Variants in HS6ST2 observed in about 807,000 individuals in gnomAD.
HS6ST2 encodes heparan sulfate 6-O-sulfotransferase 2.
A neutral mutation model predicts 33.0 loss-of-function variants in HS6ST2; 17 were observed. That is an observed-to-expected ratio of 0.52 (90% CI 0.35 to 0.77). HS6ST2 has a LOEUF of 0.77. Among genes scored for constraint, HS6ST2 ranks in the 30% least tolerant of loss-of-function variants. The probability of loss-of-function intolerance (pLI) is 0.01; values close to 1 mark genes in which losing one functional copy is unlikely to be tolerated. For missense variants in HS6ST2, 519 were observed against 551.7 expected (o/e 0.94, Z 0.59); for synonymous variants, 248 against 237.1 (o/e 1.05, Z -0.42).
intron 2 of HS6ST2, among the ~76,000 whole-genome samples, chrX:132,895,713 G>C: frequency 9.0e-6 from 1 of 110,913 alleles, no homozygotes; most frequent in South Asian, 3.8e-4. Context: ...TCTGGCAGCT[G>C]GCCATACTTG....
intron 2 of HS6ST2, among the ~76,000 whole-genome samples, chrX:132,915,890 G>A (rs750831870): frequency 1.7e-3 from 110 of 65,084 alleles, no homozygotes; most frequent in Non-Finnish European, 2.4e-3. Flanking sequence ...CACCACGCCC[G>A]GCTATTTTTT....
chrX:132,649,860 A>C (rs2063677072), intron 4 of HS6ST2, among the ~76,000 whole-genome samples: 1 of 109,861 alleles, frequency 9.1e-6, no homozygotes, highest in South Asian at 4.0e-4. Flanking sequence ...TCTATCTAAA[A>C]AAAAAAAAAA....
At chrX:132,915,187 T>C (rs1306696879) in intron 2 of HS6ST2, among the ~76,000 whole-genome samples, 3 of 111,934 alleles carry the variant, frequency 2.7e-5, no homozygotes, top group Non-Finnish European at 3.8e-5. Context: ...TAGCCCATTG[T>C]TAAACCTTAA....
intron 2 of HS6ST2, among the ~76,000 whole-genome samples, chrX:132,752,471 CAAA>C (rs751283316): frequency 3.4e-5 from 2 of 59,692 alleles, no homozygotes; most frequent in African/African-American, 1.3e-4. Flanking sequence ...GACTCCGTCT[CAAA>C]AAAAAAAAAA....
intron 2 of HS6ST2, among the ~76,000 whole-genome samples, chrX:132,866,270 G>A (rs1035241621): frequency 9.0e-6 from 1 of 111,080 alleles, no homozygotes; most frequent in Admixed American, 9.6e-5. Flanking sequence ...TCTGAGGTTT[G>A]TCAAAGATCA....
At chrX:132,633,316 C>A (rs1310185341) in intron 4 of HS6ST2, among the ~76,000 whole-genome samples, 1 of 110,547 alleles carries the variant, frequency 9.0e-6, no homozygotes, top group Non-Finnish European at 1.9e-5. Flanking sequence ...ATTCTGCAGG[C>A]AACAGAGAGG....
intron 2 of HS6ST2, among the ~76,000 whole-genome samples, chrX:132,836,393 T>C (rs1384370986): frequency 8.9e-6 from 1 of 112,697 alleles, no homozygotes; most frequent in Non-Finnish European, 1.9e-5. Flanking sequence ...TCAAGGGTAC[T>C]GGCAACAGGG....
rs186857851 is a variant in HS6ST2, at chrX:132,710,373, A to G, written c.948-1879T>C. 8.0e-5 allele frequency among the ~76,000 whole-genome samples: 9 copies of G among 112,303 alleles called. No homozygotes were observed. In the Admixed American group the frequency reaches 8.5e-4, roughly 11 times the overall value. ...GGTTGTTTAATGAAATCCTTTAAAA[A>G]GGCCCTTTAATCATGATGTTTTATT... On this transcript the variant is annotated intron_variant, in intron 2 of 4. Coordinates refer to ENST00000370833, the MANE Select transcript of HS6ST2 (RefSeq NM_001394073.1).
intron 2 of HS6ST2, among the ~76,000 whole-genome samples, chrX:132,774,362 C>A (rs953321160): frequency 1.8e-5 from 2 of 112,359 alleles, no homozygotes; most frequent in African/African-American, 6.5e-5. Context: ...CTCTCCACCC[C>A]AAACATTTAT....
chrX:132,922,373 G>T (rs1036357383), intron 2 of HS6ST2, among the ~76,000 whole-genome samples: 6 of 111,995 alleles, frequency 5.4e-5, no homozygotes, highest in Admixed American at 2.8e-4. Context: ...GCTTTTCTTT[G>T]TCCACAGGTG....
chrX:132,861,999 G>A (rs2065916258), intron 2 of HS6ST2, among the ~76,000 whole-genome samples: 1 of 111,791 alleles, frequency 8.9e-6, no homozygotes. Flanking sequence ...TTTTAAACAA[G>A]TTTGTTCTTT....
chrX:132,653,951 A>G (rs1203549787), intron 4 of HS6ST2, among the ~76,000 whole-genome samples: 2 of 111,629 alleles, frequency 1.8e-5, no homozygotes, highest in African/African-American at 6.5e-5. Context: ...AGAAGCAGAA[A>G]GGAGAATGGT....
At chrX:132,900,543 C>G (rs1029942884) in intron 2 of HS6ST2, among the ~76,000 whole-genome samples, 1 of 110,702 alleles carries the variant, frequency 9.0e-6, no homozygotes, top group African/African-American at 3.3e-5. Flanking sequence ...TAGCAAGACC[C>G]TATCTCTAAT....
intron 2 of HS6ST2, among the ~76,000 whole-genome samples, chrX:132,740,976 C>T (rs776915009): frequency 8.9e-6 from 1 of 112,481 alleles, no homozygotes; most frequent in East Asian, 2.8e-4. Flanking sequence ...TTCATTTGTT[C>T]CTTCTTTTCC....
At chrX:132,898,931 G>A (rs1340668967) in intron 2 of HS6ST2, among the ~76,000 whole-genome samples, 1 of 110,861 alleles carries the variant, frequency 9.0e-6, no homozygotes, top group Non-Finnish European at 1.9e-5. Context: ...GAAAAAGTAG[G>A]AGGGCCAGTC....
At chrX:132,788,981 A>G (rs1378094169) in intron 2 of HS6ST2, among the ~76,000 whole-genome samples, 1 of 112,753 alleles carries the variant, frequency 8.9e-6, no homozygotes, top group Non-Finnish European at 1.9e-5. Context: ...CCAGAACATA[A>G]AAGTTCAAAG....
intron 3 of HS6ST2, among the ~76,000 whole-genome samples, chrX:132,671,506 G>A (rs941473935): frequency 8.9e-5 from 9 of 101,488 alleles, no homozygotes; most frequent in East Asian, 3.1e-4. Flanking sequence ...CCATGTCTGC[G>A]CCTTGGGCAC....
At chrX:132,914,499 T>C (rs2066565645) in intron 2 of HS6ST2, among the ~76,000 whole-genome samples, 1 of 112,788 alleles carries the variant, frequency 8.9e-6, no homozygotes, top group Admixed American at 9.4e-5. Context: ...CCTAAACTTG[T>C]CTGCAGGGTG....
At chrX:132,719,740 A>T (rs1343500325) in intron 2 of HS6ST2, among the ~76,000 whole-genome samples, 2 of 112,419 alleles carry the variant, frequency 1.8e-5, no homozygotes, top group Non-Finnish European at 3.8e-5. Flanking sequence ...AGGAACATTG[A>T]ATGAGCCCTC....
Sources: gnomAD v4.1 joint callset for allele counts (sites outside exome capture counted in the v4.1 genomes callset) on GRCh38, gnomAD v4.1.1 for gene constraint, MANE v1.5 for transcripts, NCBI Gene and HGNC (gene_info 2026-07-23, HGNC 2026-07-21) for gene names.